TGFB1: variants seen among roughly 807,000 people sequenced by gnomAD.
TGFB1 encodes the protein transforming growth factor beta 1.
TGFB1 carries 19 observed loss-of-function variants against 43.8 expected under a neutral mutation model. That is an observed-to-expected ratio of 0.43 (90% CI 0.30 to 0.64). The LOEUF is 0.64. TGFB1 is among the 30% of genes least tolerant of loss of function. The pLI is 0.11. For synonymous variants in TGFB1, 221 were observed against 236.3 expected (o/e 0.94, Z 0.60); for missense variants, 445 against 529.8 (o/e 0.84, Z 1.57).
rs144433571 is a variant in TGFB1, at chr19:41,352,644, C to T, written c.355+46G>A. 3 of 1,604,142 alleles carry T rather than the reference C, an allele frequency of 1.9e-6. No homozygotes were observed. The East Asian group carries it at 6.7e-5, about 36-fold the overall frequency. On this transcript the variant is annotated intron_variant, in intron 1 of 6. Coordinates refer to ENST00000221930, the MANE Select transcript of TGFB1 (RefSeq NM_000660.7). Reference sequence around the variant, plus strand: ...TACCCGTGGCCCCGGCACTCCGGCGCCCCCTGGGGGCCCCCCTCCCGGCTC... The same window carrying T: ...TACCCGTGGCCCCGGCACTCCGGCGTCCCCTGGGGGCCCCCCTCCCGGCTC...
At chr19:41,331,672 C>T (rs1175963692) in intron 6 of TGFB1, among the ~76,000 whole-genome samples, 2 of 149,822 alleles carry the variant, frequency 1.3e-5, no homozygotes, top group Non-Finnish European at 3.0e-5. Context: ...CTTCAGCGTC[C>T]CAAAGTGTTG....
At chr19:41,352,572 C>G in intron 1 of TGFB1, 118 bp downstream of exon 1, 1 of 1,254,962 alleles carries the variant, frequency 8.0e-7, no homozygotes, top group South Asian at 1.3e-5. Flanking sequence ...TCCCTTTGCC[C>G]CGGGGTGTCC....
intron 2 of TGFB1, among the ~76,000 whole-genome samples, chr19:41,345,885 G>C (rs1226355989): frequency 6.6e-6 from 1 of 151,762 alleles, no homozygotes; most frequent in Non-Finnish European, 1.5e-5. Flanking sequence ...CAGGGTGACA[G>C]AGTGAGACTC....
intron 5 of TGFB1, among the ~76,000 whole-genome samples, chr19:41,334,986 A>G (rs2037973507): frequency 6.6e-6 from 1 of 151,876 alleles, no homozygotes; most frequent in Non-Finnish European, 1.5e-5. Context: ...TCTGGGAAAA[A>G]GAGTCCTGGC....
intron 5 of TGFB1, among the ~76,000 whole-genome samples, chr19:41,341,299 T>C (rs1310197167): frequency 6.7e-6 from 1 of 149,984 alleles, no homozygotes; most frequent in East Asian, 2.0e-4. Flanking sequence ...ACCCCATCTC[T>C]ACTAAAAATA....
intron 3 of TGFB1, 140 bp from the exon 4 acceptor site, chr19:41,342,387 T>G: frequency 3.7e-6 from 2 of 540,506 alleles, no homozygotes; most frequent in Non-Finnish European, 3.2e-6. Context: ...ACTGCAGCTC[T>G]CTCTTTTTTT....
intron 2 of TGFB1, among the ~76,000 whole-genome samples, chr19:41,345,572 T>A (rs1389603858): frequency 6.6e-6 from 1 of 151,936 alleles, no homozygotes; most frequent in Non-Finnish European, 1.5e-5. Context: ...TTCTGCAAAT[T>A]TGACACCCTG....
rs759827699 is a variant in TGFB1, at chr19:41,332,300, C to T, written c.861-19G>A. 1.9e-6 allele frequency: 3 copies of T among 1,611,146 alleles called. No individual in the cohort carries two copies. The highest frequency in any genetic ancestry group is 1.7e-5 in the Admixed American group (1 of 59,824). ...CGTGGAGCTGCAGGCAGGAGAGACG[C>T]GTCAGGGGCAGGGAGGGGCTACCAC... is the stretch of plus-strand genomic sequence containing the variant. On this transcript the variant is annotated intron_variant, in intron 5 of 6. Coordinates refer to ENST00000221930, the MANE Select transcript of TGFB1 (RefSeq NM_000660.7).
At chr19:41,338,223 G>A (rs546595318) in intron 5 of TGFB1, among the ~76,000 whole-genome samples, 146 of 150,034 alleles carry the variant, frequency 9.7e-4, no homozygotes, top group African/African-American at 3.4e-3. Context: ...GGCCGGGTGC[G>A]TGGCTCACCC....
At chr19:41,342,056 TA>T (rs2038062495) in intron 4 of TGFB1, 26 bp from the exon 5 acceptor site, 2 of 1,613,946 alleles carry the variant, frequency 1.2e-6, no homozygotes, top group African/African-American at 2.7e-5. Context: ...AGTCAGGGGA[TA>T]GGGGACATAC....
At chr19:41,335,962 G>A (rs1360539471) in intron 5 of TGFB1, among the ~76,000 whole-genome samples, 2 of 151,772 alleles carry the variant, frequency 1.3e-5, no homozygotes, top group East Asian at 1.9e-4. Flanking sequence ...GGTAGTGTTC[G>A]AGCTGCCTTA....
At chr19:41,332,640 G>A (rs765736708) in intron 5 of TGFB1, among the ~76,000 whole-genome samples, 60 of 152,178 alleles carry the variant, frequency 3.9e-4, no homozygotes, top group Non-Finnish European at 7.5e-4. Context: ...CTCTATTTGT[G>A]CAACAAATGT....
At position 41,344,767 on chromosome 19, in the gene TGFB1, C is replaced by T. The variant is rs772469907; in HGVS notation, c.614G>A (p.Arg205Gln). Residue 205 changes from arginine to glutamine, a missense_variant, in exon 3 of 7, where the codon CGG becomes CAG. This residue lies in a region of TGFB1 where 366 missense variants were observed against 428.8 expected (regional missense o/e 0.85). Coordinates refer to ENST00000221930, the MANE Select transcript of TGFB1 (RefSeq NM_000660.7). ...WLSFDVTGVV[R>Q]QWLSRGGEIE... ...CTCACCTCCACGGCTCAACCACTGC[C>T]GCACAACTCCGGTGACATCAAAAGA... 8.7e-6 allele frequency: 14 copies of T among 1,613,840 alleles called. No individual in the cohort carries two copies. Among genetic ancestry groups the T allele is most frequent in the Middle Eastern group, 3.3e-4 (2 of 6,048 alleles).
intron 5 of TGFB1, among the ~76,000 whole-genome samples, chr19:41,335,666 T>C (rs560649725): frequency 1.3e-5 from 2 of 152,292 alleles, no homozygotes; most frequent in East Asian, 3.9e-4. Flanking sequence ...CCACAGCCCT[T>C]GCCCTTGCCA....
intron 5 of TGFB1, among the ~76,000 whole-genome samples, chr19:41,339,601 G>A (rs1206337172): frequency 3.3e-5 from 5 of 151,986 alleles, no homozygotes; most frequent in African/African-American, 4.8e-5. Flanking sequence ...GAGGCGGGTG[G>A]ATCACGAGGT....
intron 1 of TGFB1, among the ~76,000 whole-genome samples, chr19:41,348,868 C>T (rs8108052): frequency 0.013 from 1,923 of 151,986 alleles, 40 homozygotes; most frequent in African/African-American, 0.044. Flanking sequence ...GTGATCCACC[C>T]GCCTCGGCCT....
At chr19:41,339,064 C>T (rs1011583398) in intron 5 of TGFB1, among the ~76,000 whole-genome samples, 6 of 151,500 alleles carry the variant, frequency 4.0e-5, no homozygotes, top group Admixed American at 2.0e-4. Flanking sequence ...TGACCATTTC[C>T]TCTGTTCCTG....
chr19:41,330,849 T>A lies in TGFB1; in HGVS notation c.*203A>T, dbSNP rs1599881501. On this transcript the variant is annotated 3_prime_UTR_variant, in exon 7 of 7. Transcript: ENST00000221930. ...GAGGCAGAGAGGGAGAGAGAGGGAG[T>A]GGGAGTGGGGGAACGTCAGGGATGG... The A allele has an allele frequency of 4.0e-6, 2 of 497,738 alleles. No homozygotes were observed. The highest frequency in any genetic ancestry group is 2.1e-5 in the African/African-American group (1 of 47,344). The allele number at this position is 497,738 out of a possible 1,614,324, so 30.8% of individuals were successfully genotyped here.
At chr19:41,335,061 T>TC (rs1173879392) in intron 5 of TGFB1, among the ~76,000 whole-genome samples, 2 of 151,676 alleles carry the variant, frequency 1.3e-5, no homozygotes, top group African/African-American at 2.4e-5. Flanking sequence ...GGAATCTTTT[T>TC]TTTTTTTTGA....
Sources: allele counts gnomAD v4.1 joint callset (sites outside exome capture counted in the v4.1 genomes callset), GRCh38; gene constraint gnomAD v4.1.1; regional missense constraint gnomAD v4.1.1; transcripts MANE v1.5; gene names NCBI Gene and HGNC (gene_info 2026-07-23, HGNC 2026-07-21).